Variants in SHANK2 observed in about 807,000 individuals in gnomAD.
SHANK2 encodes the protein SH3 and multiple ankyrin repeat domains protein 2.
Under a neutral mutation model 133.7 loss-of-function variants are expected in SHANK2, and 43 were observed. That is an observed-to-expected ratio of 0.32 (90% confidence interval 0.25 to 0.41). The LOEUF (loss-of-function observed/expected upper bound fraction) is 0.41, where lower values mean the gene tolerates loss of function less well. Ranked by LOEUF, SHANK2 falls within the 10% of genes least tolerant of loss-of-function variation. The probability of loss-of-function intolerance (pLI) is 1.00; values close to 1 mark genes in which losing one functional copy is unlikely to be tolerated. For synonymous variants in SHANK2, 1,017 were observed against 952.8 expected (o/e 1.07, Z -1.24); for missense variants, 1,994 against 2,235.8 (o/e 0.89, Z 2.18).
At position 70,879,351 on chromosome 11, in the gene SHANK2, G is replaced by A. The variant is rs540195073; in HGVS notation, c.1174+17150C>T. On this transcript the variant is annotated intron_variant, in intron 11 of 25. Transcript: ENST00000601538. ...TTAATTCTACCCAGCATATTCTTAT[G>A]AGGCTCCGATATTTGAAATCCCAAA... 3.3e-5 allele frequency among the ~76,000 whole-genome samples: 5 copies of A among 152,268 alleles called. No homozygotes were observed. The South Asian group carries it at 6.2e-4, about 19-fold the overall frequency.
intron 2 of SHANK2, among the ~76,000 whole-genome samples, chr11:71,170,254 A>G (rs1555111903): frequency 6.6e-6 from 1 of 152,234 alleles, no homozygotes; most frequent in Non-Finnish European, 1.5e-5. Context: ...CATTTAGAAT[A>G]TTACTCTCAA....
chr11:70,883,850 G>T (rs920966624), intron 11 of SHANK2, among the ~76,000 whole-genome samples: 1 of 152,340 alleles, frequency 6.6e-6, no homozygotes, highest in South Asian at 2.1e-4. Context: ...TGCTGGCAGG[G>T]CACGGAGGGA....
At chr11:70,910,752 A>G (rs1181992321) in intron 10 of SHANK2, among the ~76,000 whole-genome samples, 2 of 151,820 alleles carry the variant, frequency 1.3e-5, no homozygotes, top group African/African-American at 4.8e-5. Context: ...GGTTGCAGTG[A>G]GCTGAGATCG....
At position 70,685,172 on chromosome 11, in the gene SHANK2, A is replaced by G. The variant is rs145845188; in HGVS notation, c.1853+13516T>C. 7.5e-3 allele frequency among the ~76,000 whole-genome samples: 1,145 copies of G among 152,142 alleles called. 16 individuals carry two copies. The highest frequency in any genetic ancestry group is 0.026 in the African/African-American group (1,085 of 41,526). On this transcript the variant is annotated intron_variant, in intron 15 of 25. Transcript: ENST00000601538. Reference sequence around the variant, plus strand: ...TTGGCGAAAAAACCCCCAAAAAACAAAAAACTGGCAAATGAAACCCAGGAA... The same window carrying G: ...TTGGCGAAAAAACCCCCAAAAAACAGAAAACTGGCAAATGAAACCCAGGAA...
At chr11:70,540,853 A>AC (rs1287439347) in intron 17 of SHANK2, among the ~76,000 whole-genome samples, 5 of 151,448 alleles carry the variant, frequency 3.3e-5, no homozygotes, top group South Asian at 2.1e-4. Context: ...AAAAAAAAAA[A>AC]AAAAAAAACT....
chr11:70,502,092 G>A, intron 19 of SHANK2, 114 bp downstream of exon 19: 13 of 1,331,478 alleles, frequency 9.8e-6, no homozygotes, highest in Non-Finnish European at 1.4e-5. Flanking sequence ...GGGTACAGGG[G>A]CAGGAGGGGG....
intron 10 of SHANK2, among the ~76,000 whole-genome samples, chr11:70,911,834 C>T (rs1950195837): frequency 1.3e-5 from 2 of 151,968 alleles, no homozygotes; most frequent in Admixed American, 1.3e-4. Flanking sequence ...GTAATCCCTG[C>T]ACTTTGGGAG....
chr11:70,707,112 C>T (rs1247078414), intron 14 of SHANK2, among the ~76,000 whole-genome samples: 2 of 152,034 alleles, frequency 1.3e-5, no homozygotes, highest in Non-Finnish European at 1.5e-5. Flanking sequence ...TGGCTCACAC[C>T]TGTAATCCTA....
At chr11:70,572,019 G>C (rs1455500542) in intron 17 of SHANK2, among the ~76,000 whole-genome samples, 1 of 152,214 alleles carries the variant, frequency 6.6e-6, no homozygotes, top group African/African-American at 2.4e-5. Flanking sequence ...ACCCCAGAGA[G>C]CTCGCTTCCA....
chr11:71,125,270 G>A (rs1190657481), intron 3 of SHANK2, among the ~76,000 whole-genome samples: 1 of 152,190 alleles, frequency 6.6e-6, no homozygotes. Context: ...AGCAAGGAAG[G>A]CATGTTGAAA....
intron 11 of SHANK2, among the ~76,000 whole-genome samples, chr11:70,875,773 T>C (rs1555071111): frequency 6.6e-6 from 1 of 151,280 alleles, no homozygotes; most frequent in Admixed American, 6.6e-5. Context: ...GAGGATTATT[T>C]GAGCCCTGGG....
At chr11:70,538,350 G>A (rs1238840912) in intron 17 of SHANK2, among the ~76,000 whole-genome samples, 1 of 152,248 alleles carries the variant, frequency 6.6e-6, no homozygotes, top group Non-Finnish European at 1.5e-5. Flanking sequence ...CCTTTGTCCC[G>A]AGGGGCTTGG....
chr11:70,533,060 G>A (rs956732275), intron 17 of SHANK2, among the ~76,000 whole-genome samples: 1 of 152,180 alleles, frequency 6.6e-6, no homozygotes, highest in Non-Finnish European at 1.5e-5. Flanking sequence ...TCACAGCGGC[G>A]GAAAGCAGAC....
chr11:70,816,567 G>C (rs531498686), intron 12 of SHANK2, among the ~76,000 whole-genome samples: 105 of 152,350 alleles, frequency 6.9e-4, no homozygotes, highest in African/African-American at 2.3e-3. Flanking sequence ...ACATGGCCAG[G>C]GCCCGTTGCC....
intron 17 of SHANK2, among the ~76,000 whole-genome samples, chr11:70,529,958 G>T (rs2059446953): frequency 6.6e-6 from 1 of 152,150 alleles, no homozygotes; most frequent in Non-Finnish European, 1.5e-5. Context: ...TTATGGTTTG[G>T]GTTGTGGGGA....
At chr11:71,236,044 T>C (rs554558571) in intron 1 of SHANK2, among the ~76,000 whole-genome samples, 385 of 152,266 alleles carry the variant, frequency 2.5e-3, no homozygotes, top group Non-Finnish European at 4.2e-3. Context: ...CATTCCGTTC[T>C]TCCTGCTCAG....
intron 3 of SHANK2, among the ~76,000 whole-genome samples, chr11:71,130,062 A>T (rs1258730480): frequency 6.6e-6 from 1 of 152,132 alleles, no homozygotes; most frequent in African/African-American, 2.4e-5. Context: ...TAAGGACTCC[A>T]GTCCGATGGG....
At chr11:71,064,412 C>T (rs1330501330) in intron 9 of SHANK2, among the ~76,000 whole-genome samples, 2 of 152,072 alleles carry the variant, frequency 1.3e-5, no homozygotes, top group Non-Finnish European at 2.9e-5. Flanking sequence ...GGCAAGGGGC[C>T]GGGAGGCAGG....
At chr11:70,611,005 C>T (rs1471360376) in intron 17 of SHANK2, among the ~76,000 whole-genome samples, 1 of 152,190 alleles carries the variant, frequency 6.6e-6, no homozygotes, top group Non-Finnish European at 1.5e-5. Flanking sequence ...AATGATGCAC[C>T]CTGATCCCTT....
Sources: allele counts gnomAD v4.1 joint callset (sites outside exome capture counted in the v4.1 genomes callset), GRCh38; gene constraint gnomAD v4.1.1; transcripts MANE v1.5; gene names NCBI Gene and HGNC (gene_info 2026-07-23, HGNC 2026-07-21).